The following ZDHHC3 variants were observed in gnomAD, a reference collection of about 807,000 sequenced individuals.
ZDHHC3 encodes the protein zDHHC palmitoyltransferase 3.
Under a neutral mutation model 30.6 loss-of-function variants are expected in ZDHHC3, and 9 were observed. The ratio of observed to expected loss-of-function variants is 0.29; its 90% CI spans 0.18 to 0.51. ZDHHC3 has a LOEUF of 0.51. ZDHHC3 is among the 20% of genes least tolerant of loss of function. ZDHHC3 has a pLI of 0.97. For synonymous variants in ZDHHC3, 136 were observed against 140.2 expected (o/e 0.97, Z 0.21); for missense variants, 246 against 384.2 (o/e 0.64, Z 3.01).
chr3:44,971,762 C>T (rs1197390930), intron 1 of ZDHHC3, among the ~76,000 whole-genome samples: 1 of 152,120 alleles, frequency 6.6e-6, no homozygotes, highest in African/African-American at 2.4e-5. Context: ...GTAAGCTTTA[C>T]CCATGTATTA....
At chr3:44,951,761 C>T (rs971342822) in intron 2 of ZDHHC3, among the ~76,000 whole-genome samples, 3 of 152,302 alleles carry the variant, frequency 2.0e-5, no homozygotes, top group Admixed American at 1.3e-4. Flanking sequence ...CCCCTCCATA[C>T]CAGGGAACTG....
intron 3 of ZDHHC3, among the ~76,000 whole-genome samples, chr3:44,939,317 T>C (rs1262886173): frequency 1.3e-5 from 2 of 152,234 alleles, no homozygotes; most frequent in Non-Finnish European, 1.5e-5. Context: ...ACATGCAGAA[T>C]ATATATTTTT....
Position 44,920,293 on chromosome 3 carries a change from T to C in ZDHHC3, c.*6396A>G. 7 of 1,289,896 alleles carry C rather than the reference T, an allele frequency of 5.4e-6. No individual in the cohort carries two copies. Among genetic ancestry groups the C allele is most frequent in the Non-Finnish European group, 7.1e-6 (7 of 988,890 alleles). 79.9% of individuals were successfully genotyped at this position (1,289,896 alleles called of 1,614,324 possible). A position where few individuals can be genotyped will look rare whatever the true frequency, so the allele number is the denominator to read the frequency against. On this transcript the variant is annotated 3_prime_UTR_variant, in exon 7 of 7. Transcript: ENST00000424952. ...GAAGCAGTGACCAGCTGAGATGGTT[T>C]GCTTTGGGCATTCTGCATTCTCTTC... is the stretch of plus-strand genomic sequence containing the variant.
intron 5 of ZDHHC3, among the ~76,000 whole-genome samples, chr3:44,931,212 C>A (rs535685883): frequency 2.6e-5 from 4 of 152,312 alleles, no homozygotes; most frequent in Admixed American, 2.0e-4. Flanking sequence ...CTTAAGAATT[C>A]ATGAAAGAAC....
chr3:44,962,537 AAGGAAGGGG>A (rs1484054710), intron 1 of ZDHHC3, among the ~76,000 whole-genome samples: 1 of 148,586 alleles, frequency 6.7e-6, no homozygotes, highest in African/African-American at 2.5e-5. Context: ...GGAAGGAAGG[AAGGAAGGGG>A]AGGGGAGGGG....
intron 3 of ZDHHC3, among the ~76,000 whole-genome samples, chr3:44,943,753 C>T (rs1352246336): frequency 6.6e-6 from 1 of 152,162 alleles, no homozygotes; most frequent in Non-Finnish European, 1.5e-5. Flanking sequence ...CACCTGTAAT[C>T]CCAACACTTT....
chr3:44,921,919 C>T lies in ZDHHC3; in HGVS notation c.*4770G>A, dbSNP rs200969294. The T allele has an allele frequency of 2.8e-5, 28 of 985,394 alleles. No homozygotes were observed. Among genetic ancestry groups the T allele is most frequent in the South Asian group, 2.3e-4 (5 of 21,286 alleles). 61.0% of individuals were successfully genotyped at this position (985,394 alleles called of 1,614,324 possible). The stretch of plus-strand genomic sequence containing the variant: ...TGTGCGGCCCCTAGAAGGCTTTTAG[C>T]GAACGTCCCTCTGCAGCGCTTGTCC... On this transcript the variant is annotated 3_prime_UTR_variant, in exon 7 of 7. Coordinates refer to ENST00000424952, the MANE Select transcript of ZDHHC3 (RefSeq NM_001135179.2).
At position 44,921,051 on chromosome 3, in the gene ZDHHC3, A is replaced by G. The variant is rs1700554600; in HGVS notation, c.*5638T>C. ...GAGCAGTAATAGTAGCTTCAGGCTCAAGAGAACGAACAAAAATGGTTGATG... is the reference window on the plus strand; with the variant it reads ...GAGCAGTAATAGTAGCTTCAGGCTCGAGAGAACGAACAAAAATGGTTGATG... On this transcript the variant is annotated 3_prime_UTR_variant, in exon 7 of 7. Coordinates refer to ENST00000424952, the MANE Select transcript of ZDHHC3 (RefSeq NM_001135179.2). 2.0e-6 allele frequency: 2 copies of G among 985,348 alleles called. No homozygotes were observed. The highest frequency in any genetic ancestry group is 9.4e-5 in the South Asian group (2 of 21,296). 61.0% of individuals were successfully genotyped at this position (985,348 alleles called of 1,614,324 possible).
In ZDHHC3 at chr3:44,959,854, C is replaced by T. The variant is rs1032028752; in HGVS notation, c.-24-394G>A. On this transcript the variant is annotated intron_variant, in intron 1 of 6. Transcript: ENST00000424952. This position sits in a 1 kb window ranked among gnomAD's most constrained non-coding sequence, Gnocchi z 4.3. ...TCAATGCAGCCTCGACCTCCCACCTCGGGCTCAAGGGATCCTCCCACCTCA... is the reference window on the plus strand; with the variant it reads ...TCAATGCAGCCTCGACCTCCCACCTTGGGCTCAAGGGATCCTCCCACCTCA... Among the ~76,000 whole-genome samples, 5 of 152,186 alleles carry T rather than the reference C, an allele frequency of 3.3e-5. No homozygotes were observed. The highest frequency in any genetic ancestry group is 4.1e-4 in the South Asian group (2 of 4,834).
rs1700993298 is a variant in ZDHHC3, at chr3:44,926,398, C to T, written c.*291G>A. ...GCACAGCGCGAGACAGCGCCCTCTA[C>T]ATTAGTCATGCCAGACAGACAGCAG... On this transcript the variant is annotated 3_prime_UTR_variant, in exon 7 of 7. Coordinates refer to ENST00000424952, the MANE Select transcript of ZDHHC3 (RefSeq NM_001135179.2). 5 of 1,140,988 alleles carry T rather than the reference C, an allele frequency of 4.4e-6. No individual in the cohort carries two copies. Among genetic ancestry groups the T allele is most frequent in the East Asian group, 9.8e-5 (2 of 20,466 alleles). 70.7% of individuals were successfully genotyped at this position (1,140,988 alleles called of 1,614,324 possible). A position where few individuals can be genotyped will look rare whatever the true frequency, so the allele number is the denominator to read the frequency against.
rs1394595073 is a variant in ZDHHC3 at position 44,925,334 on chromosome 3, C to T, written c.*1355G>A. On this transcript the variant is annotated 3_prime_UTR_variant, in exon 7 of 7. Coordinates refer to ENST00000424952, the MANE Select transcript of ZDHHC3 (RefSeq NM_001135179.2). ...TAAACCTTAACTCCTACCCCCACCC[C>T]AAGCAAAAGCTAAAAAAGGGGGTTT... is the stretch of plus-strand genomic sequence containing the variant. The T allele has an allele frequency of 1.0e-6, 1 of 985,776 alleles. No individual in the cohort carries two copies. The highest frequency in any genetic ancestry group is 1.2e-6 in the Non-Finnish European group (1 of 829,950). The allele number at this position is 985,776 out of a possible 1,614,324, so 61.1% of individuals were successfully genotyped here. A position where few individuals can be genotyped will look rare whatever the true frequency, so the allele number is the denominator to read the frequency against.
At chr3:44,927,219 G>A (rs911375367) in intron 6 of ZDHHC3, among the ~76,000 whole-genome samples, 3 of 152,188 alleles carry the variant, frequency 2.0e-5, no homozygotes, top group African/African-American at 4.8e-5. Flanking sequence ...TGTGGATGGA[G>A]TACTATGAAG....
chr3:44,966,948 T>C (rs529945314), intron 1 of ZDHHC3, among the ~76,000 whole-genome samples: 6 of 152,310 alleles, frequency 3.9e-5, no homozygotes, highest in African/African-American at 1.2e-4. Flanking sequence ...CCAAGGAAAG[T>C]GTCCAGACAG....
chr3:44,918,651 G>T lies in ZDHHC3; in HGVS notation c.*8038C>A. 1 of 1,001,348 alleles carries T rather than the reference G, an allele frequency of 1.0e-6. No homozygotes were observed. Among genetic ancestry groups the T allele is most frequent in the Non-Finnish European group, 1.2e-6 (1 of 837,520 alleles). 62.0% of individuals were successfully genotyped at this position (1,001,348 alleles called of 1,614,324 possible). ...GGACACAAACAGCATGCGAGGTGAAGAAGCGGGTGCTCGTACAGCAAGTGC... is the reference window on the plus strand; with the variant it reads ...GGACACAAACAGCATGCGAGGTGAATAAGCGGGTGCTCGTACAGCAAGTGC... On this transcript the variant is annotated 3_prime_UTR_variant, in exon 7 of 7. Coordinates refer to ENST00000424952, the MANE Select transcript of ZDHHC3 (RefSeq NM_001135179.2).
Position 44,926,284 on chromosome 3 carries a change from CCCTCCTGGCTTT to C in ZDHHC3, c.*393_*404del. 2.0e-6 allele frequency: 2 copies of C among 988,978 alleles called. No individual in the cohort carries two copies. The highest frequency in any genetic ancestry group is 2.4e-6 in the Non-Finnish European group (2 of 832,414). 61.3% of individuals were successfully genotyped at this position (988,978 alleles called of 1,614,324 possible). A position where few individuals can be genotyped will look rare whatever the true frequency, so the allele number is the denominator to read the frequency against. On this transcript the variant is annotated 3_prime_UTR_variant, in exon 7 of 7. Coordinates refer to ENST00000424952, the MANE Select transcript of ZDHHC3 (RefSeq NM_001135179.2). ...CCTCCTGGGCAGTGGGAGGTCAGGG[CCCTCCTGGCTTT>C]CCCATGCATCCCCCACCAGGTGTCC...
rs1467484425 is a variant in ZDHHC3, at chr3:44,922,139, C to CT, written c.*4549dup. 1 of 985,312 alleles carries CT rather than the reference C, an allele frequency of 1.0e-6. No homozygotes were observed. The highest frequency in any genetic ancestry group is 1.2e-6 in the Non-Finnish European group (1 of 829,932). 61.0% of individuals were successfully genotyped at this position (985,312 alleles called of 1,614,324 possible). A position where few individuals can be genotyped will look rare whatever the true frequency, so the allele number is the denominator to read the frequency against. ...GCTTGTTTCTGCTTCACTGTGAATTCTTTCTCTTCTATGAGGTGATCCTAA... is the reference window on the plus strand; with the variant it reads ...GCTTGTTTCTGCTTCACTGTGAATTCTTTTCTCTTCTATGAGGTGATCCTAA... On this transcript the variant is annotated 3_prime_UTR_variant, in exon 7 of 7. Coordinates refer to ENST00000424952, the MANE Select transcript of ZDHHC3 (RefSeq NM_001135179.2).
chr3:44,932,842 G>A (rs1701615110), intron 5 of ZDHHC3: 2 of 1,516,990 alleles, frequency 1.3e-6, no homozygotes, highest in African/African-American at 2.7e-5. Context: ...GTGCTTGCTT[G>A]GGGCCTGCAT....
Position 44,926,443 on chromosome 3 carries a change from G to T in ZDHHC3, c.*246C>A, listed in dbSNP as rs1425457078. Reference sequence around the variant, plus strand: ...CAGCAGAGAGAAACCAGAGGCCAGAGAAGTGATTTTAAAAGGAAAAGAGAG... The same window carrying T: ...CAGCAGAGAGAAACCAGAGGCCAGATAAGTGATTTTAAAAGGAAAAGAGAG... On this transcript the variant is annotated 3_prime_UTR_variant, in exon 7 of 7. Coordinates refer to ENST00000424952, the MANE Select transcript of ZDHHC3 (RefSeq NM_001135179.2). 3.2e-6 allele frequency: 4 copies of T among 1,239,238 alleles called. No homozygotes were observed. Among genetic ancestry groups the T allele is most frequent in the Non-Finnish European group, 4.0e-6 (4 of 991,610 alleles). The allele number at this position is 1,239,238 out of a possible 1,614,324, so 76.8% of individuals were successfully genotyped here.
At chr3:44,933,487 T>C (rs990607788) in intron 4 of ZDHHC3, 3 of 555,642 alleles carry the variant, frequency 5.4e-6, no homozygotes, top group South Asian at 4.5e-5. Context: ...GGGCGGGGGG[T>C]TCAAGCCTGC....
Sources: gnomAD v4.1 joint callset for allele counts (sites outside exome capture counted in the v4.1 genomes callset) on GRCh38, gnomAD v4.1.1 for gene constraint, Gnocchi (gnomAD v3.1) non-coding constraint, MANE v1.5 for transcripts, NCBI Gene and HGNC (gene_info 2026-07-23, HGNC 2026-07-21) for gene names.